COG6: variants seen among roughly 807,000 people sequenced by gnomAD.
COG6 encodes the protein component of oligomeric golgi complex 6.
Under a neutral mutation model 88.8 loss-of-function variants are expected in COG6, and 74 were observed. The observed-to-expected ratio is 0.83, with a 90% CI of 0.69 to 1.01. COG6 has a LOEUF of 1.01. COG6 is among the 50% of genes least tolerant of loss of function. COG6 has a pLI of 0.00. For missense variants in COG6, 800 were observed against 797.9 expected (o/e 1.00, Z -0.03); for synonymous variants, 286 against 278.7 (o/e 1.03, Z -0.26).
intron 18 of COG6, among the ~76,000 whole-genome samples, chr13:39,739,789 G>T (rs1879952450): frequency 6.6e-6 from 1 of 152,108 alleles, no homozygotes; most frequent in African/African-American, 2.4e-5. Context: ...TCTAGCCATT[G>T]TAATGAATTG....
chr13:39,732,267 A>G (rs1879493176), intron 18 of COG6, among the ~76,000 whole-genome samples: 2 of 152,238 alleles, frequency 1.3e-5, no homozygotes, highest in Admixed American at 1.3e-4. Flanking sequence ...TCAAGCCTCT[A>G]AATTATCAAC....
At chr13:39,728,907 C>T (rs754100129) in intron 18 of COG6, among the ~76,000 whole-genome samples, 2 of 152,134 alleles carry the variant, frequency 1.3e-5, no homozygotes, top group Non-Finnish European at 2.9e-5. Context: ...TCGTGATCCA[C>T]CTGCCTCGGC....
chr13:39,724,586 A>G, intron 17 of COG6, 25 bp downstream of exon 17: 1 of 1,536,902 alleles, frequency 6.5e-7, no homozygotes. Context: ...AAACATTTTA[A>G]TTTAGATTTC....
chr13:39,656,021 G>A, intron 1 of COG6, 142 bp downstream of exon 1: 2 of 1,103,586 alleles, frequency 1.8e-6, no homozygotes, highest in Non-Finnish European at 2.7e-6. Flanking sequence ...TGCGGGCTCC[G>A]CTGCTCTGCG....
Position 39,701,514 on chromosome 13 carries a change from G to A in COG6, c.1284+1896G>A, listed in dbSNP as rs545479823. On this transcript the variant is annotated intron_variant, in intron 13 of 18. Coordinates refer to ENST00000455146, the MANE Select transcript of COG6 (RefSeq NM_020751.3). ...ACTGACGTTTAAGAGAAGGAAAAAC[G>A]TCAACAGTATGATGCTGAGAGAGGA... Among the ~76,000 whole-genome samples the A allele has an allele frequency of 7.1e-4, 108 of 151,974 alleles. 1 individual carries two copies. The highest frequency in any genetic ancestry group is 2.5e-3 in the African/African-American group (102 of 41,506).
chr13:39,680,823 C>T (rs1438704147), intron 7 of COG6, among the ~76,000 whole-genome samples: 1 of 152,190 alleles, frequency 6.6e-6, no homozygotes, highest in Non-Finnish European at 1.5e-5. Context: ...TCTCATATCT[C>T]TAACTTTTCT....
Position 39,751,134 on chromosome 13 carries a change from A to G in COG6, c.*41A>G. The G allele has an allele frequency of 6.2e-7, 1 of 1,610,114 alleles. No homozygotes were observed. Among genetic ancestry groups the G allele is most frequent in the Non-Finnish European group, 8.5e-7 (1 of 1,177,576 alleles). ...GTGTTAGCAAAATATGACCTCCCTA[A>G]AACACTGAAGGTTATTTTTTATTCT... On this transcript the variant is annotated 3_prime_UTR_variant, in exon 19 of 19. Transcript: ENST00000455146.
At chr13:39,684,774 A>T (rs948620664) in intron 8 of COG6, among the ~76,000 whole-genome samples, 3 of 152,192 alleles carry the variant, frequency 2.0e-5, no homozygotes, top group African/African-American at 7.2e-5. Context: ...TAAAAGTTTC[A>T]CTGTCCATTA....
chr13:39,784,054 G>C (rs1881705373), intron 18 of COG6, among the ~76,000 whole-genome samples: 1 of 152,132 alleles, frequency 6.6e-6, no homozygotes, highest in South Asian at 2.1e-4. Context: ...TTGATGCAGG[G>C]CCGGCTCCAT....
intron 3 of COG6, among the ~76,000 whole-genome samples, chr13:39,661,984 A>AT (rs1475161274): frequency 6.6e-6 from 1 of 151,636 alleles, no homozygotes; most frequent in Admixed American, 6.6e-5. Context: ...AGTATCTCTT[A>AT]TTTTTTAATT....
intron 12 of COG6, among the ~76,000 whole-genome samples, chr13:39,698,968 G>A (rs1267366951): frequency 1.3e-5 from 2 of 151,818 alleles, no homozygotes. Flanking sequence ...ATTTCAAAAT[G>A]CTATCAGACT....
chr13:39,773,513 C>G (rs1881375582), intron 18 of COG6, among the ~76,000 whole-genome samples: 1 of 152,128 alleles, frequency 6.6e-6, no homozygotes, highest in African/African-American at 2.4e-5. Flanking sequence ...AAGAGGAAAA[C>G]AAAAGCCCTG....
At chr13:39,753,340 G>C (rs991953765), downstream of COG6, among the ~76,000 whole-genome samples, 5 of 152,160 alleles carry the variant, frequency 3.3e-5, no homozygotes, top group Admixed American at 3.3e-4. Context: ...TTGGTGCCTT[G>C]ATTTTGGGCT....
chr13:39,679,540 T>G lies in COG6; in HGVS notation c.543T>G (p.Asp181Glu). Residue 181 changes from aspartate to glutamate, a missense_variant and splice_region_variant, in exon 6 of 19, where the codon GAT becomes GAG. Transcript: ENST00000455146. ...RGTREGPITE[D>E]FFKALGRVKQ... ...AAGTCACATTCTTAATTTTAAAGGATTTTTTCAAGGCACTGGGAAGAGTAA... is the reference window on the plus strand; with the variant it reads ...AAGTCACATTCTTAATTTTAAAGGAGTTTTTCAAGGCACTGGGAAGAGTAA... The G allele has an allele frequency of 6.4e-7, 1 of 1,566,660 alleles. No individual in the cohort carries two copies. The highest frequency in any genetic ancestry group is 8.8e-7 in the Non-Finnish European group (1 of 1,136,988).
intron 18 of COG6, among the ~76,000 whole-genome samples, chr13:39,741,192 A>AT (rs1228811517): frequency 6.6e-6 from 1 of 152,006 alleles, no homozygotes; most frequent in Non-Finnish European, 1.5e-5. Flanking sequence ...ATATCTAGAG[A>AT]TTCTCTTCTT....
At chr13:39,777,415 G>A (rs2138184329) in intron 18 of COG6, among the ~76,000 whole-genome samples, 1 of 152,192 alleles carries the variant, frequency 6.6e-6, no homozygotes, top group Non-Finnish European at 1.5e-5. Flanking sequence ...GTGTGGAGCT[G>A]GAGAGGATAG....
rs3812882 is a variant in COG6, at chr13:39,655,754, G to T, written c.28G>T (p.Ala10Ser). Residue 10 changes from alanine (A) to serine (S), a missense_variant, in exon 1 of 19, where the codon GCA becomes TCA. By Grantham distance (99) the Ala-to-Ser change is moderately conservative. Coordinates refer to ENST00000455146, the MANE Select transcript of COG6 (RefSeq NM_020751.3). ...GGCAGAGGGCAGCGGGGAAGTGGTCGCAGTGTCTGCGACCGGGGCTGCCAA... is the reference window on the plus strand; with the variant it reads ...GGCAGAGGGCAGCGGGGAAGTGGTCTCAGTGTCTGCGACCGGGGCTGCCAA... MAEGSGEVV[A>S]VSATGAANGL... The T allele has an allele frequency of 1.7e-5, 27 of 1,592,120 alleles. No individual in the cohort carries two copies. The East Asian group carries it at 6.0e-4, about 35-fold the overall frequency.
At chr13:39,757,251 C>G (rs1022926123), downstream of COG6, among the ~76,000 whole-genome samples, 1 of 151,936 alleles carries the variant, frequency 6.6e-6, no homozygotes, top group Non-Finnish European at 1.5e-5. Context: ...GAAGAAATCA[C>G]GAAGGAAACT....
At chr13:39,739,744 G>T (rs571833591) in intron 18 of COG6, among the ~76,000 whole-genome samples, 2 of 152,150 alleles carry the variant, frequency 1.3e-5, no homozygotes, top group East Asian at 3.9e-4. Context: ...AACAATATAT[G>T]CATAGTTACT....
Sources: allele counts gnomAD v4.1 joint callset (sites outside exome capture counted in the v4.1 genomes callset), GRCh38; gene constraint gnomAD v4.1.1; transcripts MANE v1.5; gene names NCBI Gene and HGNC (gene_info 2026-07-23, HGNC 2026-07-21).